Variants in NEIL2 observed in about 807,000 individuals in gnomAD.
NEIL2 encodes the protein endonuclease 8-like 2.
In NEIL2, 23 loss-of-function variants were observed where a neutral mutation model predicts 22.2. The ratio of observed to expected loss-of-function variants is 1.04; its 90% confidence interval spans 0.75 to 1.47. NEIL2 has a LOEUF of 1.47. NEIL2 is among the 40% of genes most tolerant of loss of function. NEIL2 has a pLI of 0.00. For synonymous variants in NEIL2, 229 were observed against 164.8 expected (o/e 1.39, Z -2.99); for missense variants, 583 against 404.7 (o/e 1.44, Z -3.78).
intron 2 of NEIL2, among the ~76,000 whole-genome samples, chr8:11,778,703 A>G (rs956986968): frequency 5.3e-5 from 8 of 151,438 alleles, no homozygotes; most frequent in African/African-American, 1.7e-4. Flanking sequence ...TGGAATCCCA[A>G]CACTTTGGGA....
In NEIL2 at chr8:11,786,040, C is replaced by T. The variant is rs762855900; in HGVS notation, c.766C>T (p.Arg256Cys). ...LSLGSVLSAS[R>C]REVLVDHVVE... is the part of the protein sequence containing the mutation. Reference sequence around the variant, plus strand: ...TCTCGGTTCAGTCCTGAGTGCCTCGCGTCGGGAGGTCCTGGTGGATCACGT... The same window carrying T: ...TCTCGGTTCAGTCCTGAGTGCCTCGTGTCGGGAGGTCCTGGTGGATCACGT... Residue 256 changes from arginine to cysteine, a missense_variant, in exon 5 of 5, where the codon CGT becomes TGT. Transcript: ENST00000284503. The T allele has an allele frequency of 6.8e-6, 11 of 1,613,972 alleles. No individual in the cohort carries two copies. The highest frequency in any genetic ancestry group is 4.0e-5 in the African/African-American group (3 of 74,886).
intron 2 of NEIL2, 58 bp downstream of exon 2, chr8:11,771,643 G>T: frequency 6.4e-7 from 1 of 1,559,058 alleles, no homozygotes; most frequent in Non-Finnish European, 8.7e-7. Flanking sequence ...CCTCCCCTAG[G>T]ATCTATCCCC....
chr8:11,776,947 G>T (rs1324812077), intron 2 of NEIL2, among the ~76,000 whole-genome samples: 1 of 152,146 alleles, frequency 6.6e-6, no homozygotes, highest in East Asian at 1.9e-4. Context: ...AGTGCTAACA[G>T]CGCACGCCCT....
rs1409830694 is a variant in NEIL2 at position 11,785,848 on chromosome 8, G to T, written c.689-115G>T. ...AAATGGAGTCAGAGATCGCAGACCCGTCTAGGGTCCCCCAGGACATGGAAG... is the reference window on the plus strand; with the variant it reads ...AAATGGAGTCAGAGATCGCAGACCCTTCTAGGGTCCCCCAGGACATGGAAG... On this transcript the variant is annotated intron_variant, in intron 4 of 4. Transcript: ENST00000284503. 33 of 951,850 alleles carry T rather than the reference G, an allele frequency of 3.5e-5. 1 individual carries two copies. The East Asian group carries it at 7.1e-4, about 21-fold the overall frequency. 59.0% of individuals were successfully genotyped at this position (951,850 alleles called of 1,614,324 possible).
intron 2 of NEIL2, among the ~76,000 whole-genome samples, chr8:11,772,617 G>T (rs1335357202): frequency 6.6e-6 from 1 of 152,166 alleles, no homozygotes; most frequent in African/African-American, 2.4e-5. Flanking sequence ...TGTTCTGCTT[G>T]TTGAGGGGAG....
intron 2 of NEIL2, among the ~76,000 whole-genome samples, chr8:11,778,731 C>A (rs1404048651): frequency 6.6e-6 from 1 of 151,896 alleles, no homozygotes; most frequent in Admixed American, 6.6e-5. Flanking sequence ...ACGGGCAGAT[C>A]GCTTGAGGTC....
intron 2 of NEIL2, among the ~76,000 whole-genome samples, chr8:11,777,552 G>A (rs2130481471): frequency 6.6e-6 from 1 of 152,060 alleles, no homozygotes; most frequent in Non-Finnish European, 1.5e-5. Flanking sequence ...CCTCCCTGCA[G>A]CCCCTGGCAA....
In NEIL2 at chr8:11,783,204, T is replaced by A; in HGVS notation, c.493T>A (p.Leu165Met). ...RGDWRDPSPR[L>M]VLHFGGGGFL... The stretch of plus-strand genomic sequence containing the variant: ...ATATGACCTGTTCTTTCTTCCCAGG[T>A]TGGTCCTGCACTTTGGTGGTGGTGG... The change falls in exon 4 of 5, where the codon TTG (leucine) becomes ATG (methionine). Residue 165 changes from leucine to methionine, a missense_variant and splice_region_variant. Transcript: ENST00000284503. The A allele has an allele frequency of 6.2e-7, 1 of 1,614,154 alleles. No individual in the cohort carries two copies.
Position 11,779,950 on chromosome 8 carries a change from G to A in NEIL2, c.491G>A (p.Arg164Lys), listed in dbSNP as rs1214872050. ...GGGGACTGGAGGGACCCTTCCCCGA[G>A]GTAATGGTGTGGCCATCTGATTTTC... ...KRGDWRDPSP[R>K]LVLHFGGGGF... The change falls in exon 3 of 5, where the codon AGG becomes AAG. Residue 164 changes from arginine to lysine, a missense_variant and splice_region_variant. Physicochemically the swap from Arg to Lys is conservative, Grantham distance 26. Transcript: ENST00000284503. 4 of 1,612,974 alleles carry A rather than the reference G, an allele frequency of 2.5e-6. No homozygotes were observed. In the East Asian group the frequency reaches 6.7e-5, roughly 27 times the overall value.
In NEIL2 at chr8:11,783,265, G is replaced by C; in HGVS notation, c.554G>C (p.Ser185Thr). The C allele has an allele frequency of 6.2e-7, 1 of 1,614,228 alleles. No individual in the cohort carries two copies. The change falls in exon 4 of 5, where the codon AGC becomes ACC. Residue 185 changes from serine (S) to threonine (T), a missense_variant. Transcript: ENST00000284503. ...TTTTATAATTGTCAGTTGTCTTGGA[G>C]CTCTTCCCCAGTGGTCACACCCACC... ...LAFYNCQLSW[S>T]SSPVVTPTCD...
At chr8:11,773,851 C>A (rs527342225) in intron 2 of NEIL2, among the ~76,000 whole-genome samples, 3 of 152,290 alleles carry the variant, frequency 2.0e-5, no homozygotes, top group Non-Finnish European at 4.4e-5. Flanking sequence ...ATGGTTTTCT[C>A]CTCCTCCAGT....
intron 1 of NEIL2, 94 bp downstream of exon 1, chr8:11,770,429 A>C (rs1422285775): frequency 6.6e-6 from 1 of 152,168 alleles, no homozygotes; most frequent in African/African-American, 2.4e-5. Flanking sequence ...GAAATAGTAC[A>C]TCTCAGCGAA....
chr8:11,778,777 C>T (rs8191601), intron 2 of NEIL2, among the ~76,000 whole-genome samples: 16 of 151,956 alleles, frequency 1.1e-4, no homozygotes, highest in Middle Eastern at 3.4e-3. Context: ...CGTGGTGAGA[C>T]GTGGTCTCTG....
At position 11,771,446 on chromosome 8, in the gene NEIL2, G is replaced by A. The variant is rs763784747; in HGVS notation, c.-2G>A. ...CTCTTTTGCCCATTTCTGCCCACAG[G>A]GATGCCAGAAGGGCCGTTGGTGAGG... On this transcript the variant is annotated splice_region_variant and 5_prime_UTR_variant, in exon 2 of 5. Transcript: ENST00000284503. 2 of 1,613,568 alleles carry A rather than the reference G, an allele frequency of 1.2e-6. No homozygotes were observed. The highest frequency in any genetic ancestry group is 2.2e-5 in the East Asian group (1 of 44,898).
Position 11,785,991 on chromosome 8 carries a change from C to A in NEIL2, c.717C>A (p.Tyr239Ter), listed in dbSNP as rs771174201. 1 of 1,614,120 alleles carries A rather than the reference C, an allele frequency of 6.2e-7. No individual in the cohort carries two copies. Among genetic ancestry groups the A allele is most frequent in the South Asian group, 1.1e-5 (1 of 91,080 alleles). The change falls in exon 5 of 5, where the codon TAC becomes TAA. Residue 239 changes from tyrosine (Y) to a stop codon, truncating the protein, a stop_gained. Coordinates refer to ENST00000284503, the MANE Select transcript of NEIL2 (RefSeq NM_145043.4). LOFTEE classifies it low-confidence loss of function (END_TRUNC). Reference protein sequence around the residue: ...LGNIIKNEALYRAGIHPLSLG... With the variant: ...LGNIIKNEAL Reference sequence around the variant, plus strand: ...ACATCATTAAGAATGAAGCCTTGTACAGAGCTGGGATCCATCCCCTTTCTC... The same window carrying A: ...ACATCATTAAGAATGAAGCCTTGTAAAGAGCTGGGATCCATCCCCTTTCTC...
chr8:11,773,101 C>T (rs527720022), intron 2 of NEIL2, among the ~76,000 whole-genome samples: 28 of 152,282 alleles, frequency 1.8e-4, no homozygotes, highest in African/African-American at 6.5e-4. Flanking sequence ...CCATGGCCTC[C>T]AGGACTGTGG....
chr8:11,776,287 G>A (rs1356305722), intron 2 of NEIL2, among the ~76,000 whole-genome samples: 1 of 152,204 alleles, frequency 6.6e-6, no homozygotes, highest in Non-Finnish European at 1.5e-5. Flanking sequence ...TGTGGGAACA[G>A]CATGGGAAAA....
intron 2 of NEIL2, among the ~76,000 whole-genome samples, chr8:11,777,820 C>T (rs1183449074): frequency 6.6e-6 from 1 of 152,216 alleles, no homozygotes; most frequent in Non-Finnish European, 1.5e-5. Flanking sequence ...CTGGAAAGTC[C>T]AAGGGCATGG....
At chr8:11,784,676 C>G (rs1026162136) in intron 4 of NEIL2, among the ~76,000 whole-genome samples, 1 of 152,154 alleles carries the variant, frequency 6.6e-6, no homozygotes, top group Non-Finnish European at 1.5e-5. Context: ...ACTCAGTCCA[C>G]TGTGGGTTAC....
Sources: allele counts gnomAD v4.1 joint callset (sites outside exome capture counted in the v4.1 genomes callset), GRCh38; gene constraint gnomAD v4.1.1; transcripts MANE v1.5; gene names NCBI Gene and HGNC (gene_info 2026-07-23, HGNC 2026-07-21).